The following SLC19A1 variants were observed in gnomAD, a reference collection of about 807,000 sequenced individuals.
SLC19A1 encodes solute carrier family 19 member 1, also known as reduced folate transporter.
SLC19A1 carries 37 observed loss-of-function variants against 35.3 expected under a neutral mutation model. The ratio of observed to expected loss-of-function variants is 1.05; its 90% CI spans 0.81 to 1.38. The LOEUF is 1.38. Ranked by LOEUF, SLC19A1 falls within the 40% of genes most tolerant of loss-of-function variation. The probability of loss-of-function intolerance (pLI) is 0.00; values close to 1 mark genes in which losing one functional copy is unlikely to be tolerated. For synonymous variants in SLC19A1, 460 were observed against 398.5 expected, an observed-to-expected ratio of 1.15 and a Z score of -1.84; for missense variants, 831 against 826.9, an observed-to-expected ratio of 1.00 and a Z score of -0.06.
In SLC19A1 at chr21:45,555,234, C is replaced by T. The variant is rs199775286; in HGVS notation, c.-50+7508G>A. Among the ~76,000 whole-genome samples, 18 of 6,094 alleles carry T rather than the reference C, an allele frequency of 3.0e-3. 3 individuals carry two copies. The highest frequency in any genetic ancestry group is 0.012 in the African/African-American group (13 of 1,072). 4.0% of individuals were successfully genotyped at this position (6,094 alleles called of 152,430 possible). Reference sequence around the variant, plus strand: ...GGCGGTGGGGGGCGCCGGGGGGCGGCGCAGGGGGCGGCGCAGGGGGCGGCG... The same window carrying T: ...GGCGGTGGGGGGCGCCGGGGGGCGGTGCAGGGGGCGGCGCAGGGGGCGGCG... On this transcript the variant is annotated intron_variant, in intron 1 of 5. Transcript: ENST00000650808.
At chr21:45,562,129 CAAAAAAAAAA>C in intron 1 of SLC19A1, among the ~76,000 whole-genome samples, 1 of 121,578 alleles carries the variant, frequency 8.2e-6, no homozygotes, top group East Asian at 2.4e-4. Context: ...GACTCTGTCT[CAAAAAAAAAA>C]AAAAAAAAAG....
chr21:45,546,927 ATGAT>A (rs2146480887), upstream of SLC19A1, among the ~76,000 whole-genome samples: 1 of 152,320 alleles, frequency 6.6e-6, no homozygotes, highest in South Asian at 2.1e-4. Context: ...AGAAGACAAA[ATGAT>A]TGGGAAGGAA....
At chr21:45,535,661 TG>T (rs1268158002) in intron 2 of SLC19A1, among the ~76,000 whole-genome samples, 1 of 152,086 alleles carries the variant, frequency 6.6e-6, no homozygotes, top group Admixed American at 6.5e-5. Flanking sequence ...CCGGGCCAGC[TG>T]GGTCAAGGCC....
Position 45,534,964 on chromosome 21 carries a change from A to G in SLC19A1, c.189+2807T>C, listed in dbSNP as rs935260994. Among the ~76,000 whole-genome samples, 5 of 152,224 alleles carry G rather than the reference A, an allele frequency of 3.3e-5. No homozygotes were observed. The highest frequency in any genetic ancestry group is 5.9e-5 in the Non-Finnish European group (4 of 68,036). ...GCAGAGTGCAGGCAGCTGCGCCCAA[A>G]TCTACGTCCAGACGGCCTCAGGGCG... On this transcript the variant is annotated intron_variant, in intron 2 of 5. Coordinates refer to ENST00000311124, the MANE Select transcript of SLC19A1 (RefSeq NM_194255.4). This position sits in a 1 kb window ranked among gnomAD's most constrained non-coding sequence, Gnocchi z 4.2.
At chr21:45,551,887 C>T (rs938178758) in intron 1 of SLC19A1, among the ~76,000 whole-genome samples, 17 of 152,252 alleles carry the variant, frequency 1.1e-4, no homozygotes, top group African/African-American at 3.1e-4. Context: ...CTGGGGTTCG[C>T]GCCTCCCTGC....
chr21:45,529,590 T>G (rs1401601620), intron 4 of SLC19A1, among the ~76,000 whole-genome samples: 2 of 143,068 alleles, frequency 1.4e-5, no homozygotes, highest in African/African-American at 2.6e-5. Context: ...TGTGGGTGTC[T>G]CCATGTGTGA....
rs184360681 is a variant in SLC19A1, at chr21:45,535,363, C to T, written c.189+2408G>A. Reference sequence around the variant, plus strand: ...ATTCAAAATGACTCCAGAGAAACACCGTATGTAACACACAACCAGTCCAAT... The same window carrying T: ...ATTCAAAATGACTCCAGAGAAACACTGTATGTAACACACAACCAGTCCAAT... On this transcript the variant is annotated intron_variant, in intron 2 of 5. Coordinates refer to ENST00000311124, the MANE Select transcript of SLC19A1 (RefSeq NM_194255.4). Among the ~76,000 whole-genome samples, 39 of 152,336 alleles carry T rather than the reference C, an allele frequency of 2.6e-4. No individual in the cohort carries two copies. The East Asian group carries it at 3.1e-3, about 12-fold the overall frequency.
chr21:45,532,073 A>G lies in SLC19A1; in HGVS notation c.265T>C (p.Tyr89His), dbSNP rs202074305. ...AGCAGCACCGGCGTGTAGCGCAGGTAGTCGGTGAGCAGGAACACGGGCACC... is the reference window on the plus strand; with the variant it reads ...AGCAGCACCGGCGTGTAGCGCAGGTGGTCGGTGAGCAGGAACACGGGCACC... ...VLVPVFLLTD[Y>H]LRYTPVLLLQ... Residue 89 changes from tyrosine to histidine, a missense_variant, in exon 3 of 6, where the codon TAC becomes CAC. By Grantham distance (83) the Tyr-to-His change is moderately conservative. Transcript: ENST00000311124. 1 of 1,612,498 alleles carries G rather than the reference A, an allele frequency of 6.2e-7. No homozygotes were observed. Among genetic ancestry groups the G allele is most frequent in the African/African-American group, 1.3e-5 (1 of 75,040 alleles).
intron 3 of SLC19A1, chr21:45,502,519 A>G (rs1228479251): frequency 6.6e-6 from 1 of 152,226 alleles, no homozygotes; most frequent in Non-Finnish European, 1.5e-5. Flanking sequence ...AAAATGAGTG[A>G]AGAGAAATTG....
At chr21:45,512,318 C>T (rs372436243), downstream of SLC19A1, 80 of 1,612,470 alleles carry the variant, frequency 5.0e-5, no homozygotes, top group Admixed American at 2.7e-4. Context: ...GGGCAGGCTC[C>T]TGGGGCAGAG....
downstream of SLC19A1, chr21:45,510,080 T>C (rs1176339213): frequency 6.3e-7 from 1 of 1,578,324 alleles, no homozygotes; most frequent in Non-Finnish European, 8.6e-7. Context: ...CTGGTTGCGC[T>C]CAACAGCCCC....
rs2037696979 is a variant in SLC19A1 at position 45,512,947 on chromosome 21, C to T, written c.*2711G>A. Reference sequence around the variant, plus strand: ...CAGGTCCCTGGGGCTAGGGGGAGCCCCTTCTGCTCAGCTCTGGGCCATTCT... The same window carrying T: ...CAGGTCCCTGGGGCTAGGGGGAGCCTCTTCTGCTCAGCTCTGGGCCATTCT... On this transcript the variant is annotated 3_prime_UTR_variant, in exon 6 of 6. Transcript: ENST00000311124. 1 of 184,842 alleles carries T rather than the reference C, an allele frequency of 5.4e-6. No homozygotes were observed. The highest frequency in any genetic ancestry group is 1.2e-5 in the Non-Finnish European group (1 of 86,508). 11.5% of individuals were successfully genotyped at this position (184,842 alleles called of 1,614,324 possible).
rs993410744 is a variant in SLC19A1, at chr21:45,530,685, G to C, written c.1151+85C>G. On this transcript the variant is annotated intron_variant, in intron 4 of 5. Transcript: ENST00000311124. This position sits in a 1 kb window ranked among gnomAD's most constrained non-coding sequence, Gnocchi z 5.3. The stretch of plus-strand genomic sequence containing the variant: ...GCAGTGGCACAGCCGCTGGGGCGCA[G>C]CAGGAAGGTGGGAGCACCCAGCGAA... The C allele has an allele frequency of 1.0e-5, 14 of 1,379,692 alleles. No individual in the cohort carries two copies. The Admixed American group carries it at 3.1e-4, about 30-fold the overall frequency. 85.5% of individuals were successfully genotyped at this position (1,379,692 alleles called of 1,614,324 possible).
In SLC19A1 at chr21:45,512,624, T is replaced by TC; in HGVS notation, c.*3033dup. The TC allele has an allele frequency of 1.7e-6, 1 of 587,820 alleles. No homozygotes were observed. The highest frequency in any genetic ancestry group is 3.0e-6 in the Non-Finnish European group (1 of 331,126). 36.4% of individuals were successfully genotyped at this position (587,820 alleles called of 1,614,324 possible). ...TGCTGACATTCACCTGCCCCAACTCTCCCCTGACCTGTGAGCCCAGCTGGG... is the reference window on the plus strand; with the variant it reads ...TGCTGACATTCACCTGCCCCAACTCTCCCCCTGACCTGTGAGCCCAGCTGGG... On this transcript the variant is annotated 3_prime_UTR_variant, in exon 6 of 6. Transcript: ENST00000311124.
chr21:45,504,430 C>A, intron 3 of SLC19A1: 1 of 1,611,596 alleles, frequency 6.2e-7, no homozygotes, highest in African/African-American at 1.3e-5. Flanking sequence ...AGAAGGGAGA[C>A]CGAGGTGATG....
In SLC19A1 at chr21:45,516,055, C is replaced by T. The variant is rs546839730; in HGVS notation, c.1379G>A (p.Arg460Gln). ...AMLDGLRHCQ[R>Q]GHHPRQPPAQ... ...CGGGGGCTGCCGCGGGTGGTGGCCC[C>T]GCTGGCAGTGCCGCAGGCCATCCAG... Residue 460 changes from arginine (R) to glutamine (Q), a missense_variant, in exon 6 of 6, where the codon CGG becomes CAG. Physicochemically the swap from Arg to Gln is conservative, Grantham distance 43. Coordinates refer to ENST00000311124, the MANE Select transcript of SLC19A1 (RefSeq NM_194255.4). 83 of 1,586,948 alleles carry T rather than the reference C, an allele frequency of 5.2e-5. No individual in the cohort carries two copies. The highest frequency in any genetic ancestry group is 1.1e-4 in the Admixed American group (6 of 54,016).
rs149944138 is a variant in SLC19A1, at chr21:45,525,620, CACA to C, written c.1293+194_1293+196del. Among the ~76,000 whole-genome samples, 926 of 152,322 alleles carry C rather than the reference CACA, an allele frequency of 6.1e-3. 8 individuals carry two copies. Among genetic ancestry groups the C allele is most frequent in the African/African-American group, 0.021 (882 of 41,578 alleles). ...CCAGGGCCTGACGGAGGCTCCCGCC[CACA>C]ACAACTGAGCCCCGCTAGGGTCTCT... On this transcript the variant is annotated intron_variant, in intron 5 of 5. Transcript: ENST00000311124.
At chr21:45,562,644 G>A (rs1376692428) in intron 1 of SLC19A1, among the ~76,000 whole-genome samples, 1 of 152,160 alleles carries the variant, frequency 6.6e-6, no homozygotes, top group East Asian at 1.9e-4. Flanking sequence ...GCAGAACCAC[G>A]GTTTCCTACA....
chr21:45,556,869 C>A (rs768976248), intron 1 of SLC19A1, among the ~76,000 whole-genome samples: 3 of 152,186 alleles, frequency 2.0e-5, no homozygotes, highest in East Asian at 1.9e-4. Flanking sequence ...GCACAGCAAC[C>A]GGCCTGCACG....
Sources: gnomAD v4.1 joint callset for allele counts (sites outside exome capture counted in the v4.1 genomes callset) on GRCh38, gnomAD v4.1.1 for gene constraint, Gnocchi (gnomAD v3.1) non-coding constraint, MANE v1.5 for transcripts, NCBI Gene and HGNC (gene_info 2026-07-23, HGNC 2026-07-21) for gene names.